The following FRMD7 variants were observed in gnomAD, a reference collection of about 807,000 sequenced individuals.
The protein encoded by FRMD7 is FERM domain containing 7, also known as FERM domain-containing protein 7.
FRMD7 carries 14 observed loss-of-function variants against 44.1 expected under a neutral mutation model. The ratio of observed to expected loss-of-function variants is 0.32; its 90% CI spans 0.21 to 0.50. The LOEUF (loss-of-function observed/expected upper bound fraction) is 0.50. Among genes scored for constraint, FRMD7 ranks in the 20% least tolerant of loss-of-function variants. The probability of loss-of-function intolerance (pLI) is 0.99; values close to 1 mark genes in which losing one functional copy is unlikely to be tolerated. For synonymous variants in FRMD7, 212 were observed against 187.4 expected, an observed-to-expected ratio of 1.13 and a Z score of -1.07; for missense variants, 501 against 522.3, an observed-to-expected ratio of 0.96 and a Z score of 0.40.
intron 1 of FRMD7, among the ~76,000 whole-genome samples, chrX:132,115,002 T>C (rs1928867556): frequency 8.9e-6 from 1 of 112,740 alleles, no homozygotes; most frequent in South Asian, 3.6e-4. Flanking sequence ...TGCTCTCTCC[T>C]TGACCGATCA....
intron 5 of FRMD7, among the ~76,000 whole-genome samples, chrX:132,087,294 T>C (rs1047292932): frequency 9.0e-6 from 1 of 111,491 alleles, no homozygotes; most frequent in Non-Finnish European, 1.9e-5. Flanking sequence ...GCATTCTATA[T>C]ACTGTAAGAG....
chrX:132,123,326 T>C (rs988914489), intron 1 of FRMD7, among the ~76,000 whole-genome samples: 1 of 111,664 alleles, frequency 9.0e-6, no homozygotes, highest in Non-Finnish European at 1.9e-5. Context: ...TTTGTATTAC[T>C]CCTCGCAACA....
In FRMD7 at chrX:132,116,988, T is replaced by C. The variant is rs757248344; in HGVS notation, c.57+10800A>G. ...TTCAAATCCTGTTTGCACCACTCAC[T>C]GTTCTGTGACTTTGGGAAAGTTACT... On this transcript the variant is annotated intron_variant, in intron 1 of 11. Coordinates refer to ENST00000298542, the MANE Select transcript of FRMD7 (RefSeq NM_194277.3). Among the ~76,000 whole-genome samples the C allele has an allele frequency of 7.1e-5, 8 of 112,220 alleles. No homozygotes were observed. In the South Asian group the frequency reaches 3.0e-3, roughly 42 times the overall value.
chrX:132,077,784 A>G lies in FRMD7; in HGVS notation c.*88T>C. ...CCTTAATACCAATGAATATGTAGTA[A>G]CCAAGAAAATGGTTTCTACAACTTC... On this transcript the variant is annotated 3_prime_UTR_variant, in exon 12 of 12. Coordinates refer to ENST00000298542, the MANE Select transcript of FRMD7 (RefSeq NM_194277.3). 8.5e-7 allele frequency: 1 copy of G among 1,180,963 alleles called. No individual in the cohort carries two copies. The highest frequency in any genetic ancestry group is 1.1e-6 in the Non-Finnish European group (1 of 874,684).
intron 1 of FRMD7, among the ~76,000 whole-genome samples, chrX:132,108,937 G>A (rs762284707): frequency 8.9e-6 from 1 of 111,749 alleles, no homozygotes; most frequent in Admixed American, 9.5e-5. Context: ...GCGGAACTGT[G>A]AATCATTAAA....
chrX:132,122,194 GA>G (rs1436345291), intron 1 of FRMD7, among the ~76,000 whole-genome samples: 1 of 111,956 alleles, frequency 8.9e-6, no homozygotes, highest in Non-Finnish European at 1.9e-5. Flanking sequence ...TTTGTGTCAG[GA>G]ACCTTATCCC....
intron 1 of FRMD7, among the ~76,000 whole-genome samples, chrX:132,118,940 G>C (rs1313157292): frequency 1.8e-5 from 2 of 110,781 alleles, no homozygotes; most frequent in Non-Finnish European, 3.8e-5. Flanking sequence ...ACCTTCCTTA[G>C]AAAAACCTTG....
rs760349912 is a variant in FRMD7 at position 132,089,561 on chromosome X, G to A, written c.383-3527C>T. Among the ~76,000 whole-genome samples, 9 of 111,670 alleles carry A rather than the reference G, an allele frequency of 8.1e-5. No homozygotes were observed. The East Asian group carries it at 2.5e-3, about 31-fold the overall frequency. ...ATATCCTTACAAAATGAAAAGACAA[G>A]CCACAGATTAGAAGAGAAAATTGCA... On this transcript the variant is annotated intron_variant, in intron 5 of 11. Transcript: ENST00000298542.
intron 1 of FRMD7, among the ~76,000 whole-genome samples, chrX:132,112,726 C>A (rs1022622128): frequency 1.8e-5 from 2 of 111,105 alleles, no homozygotes; most frequent in Non-Finnish European, 3.8e-5. Flanking sequence ...CTGACCACCA[C>A]CCCCTATATC....
chrX:132,079,007 A>G (rs1031406035), intron 11 of FRMD7, 41 bp from the exon 12 acceptor site: 1 of 1,126,189 alleles, frequency 8.9e-7, no homozygotes, highest in Non-Finnish European at 1.2e-6. Context: ...GGAAAAGGCC[A>G]TTTGGTTAGG....
chrX:132,113,327 T>C lies in FRMD7; in HGVS notation c.58-12611A>G, dbSNP rs762328438. ...TCTGTATATACCTAGCAATATGAGA[T>C]ACCCAGGACAAAACAGACCATTAGA... On this transcript the variant is annotated intron_variant, in intron 1 of 11. Coordinates refer to ENST00000298542, the MANE Select transcript of FRMD7 (RefSeq NM_194277.3). Among the ~76,000 whole-genome samples the C allele has an allele frequency of 3.6e-5, 4 of 111,816 alleles. No homozygotes were observed. The East Asian group carries it at 1.1e-3, about 32-fold the overall frequency.
At chrX:132,097,992 G>A (rs1928391690) in intron 3 of FRMD7, among the ~76,000 whole-genome samples, 2 of 112,085 alleles carry the variant, frequency 1.8e-5, no homozygotes, top group South Asian at 7.4e-4. Context: ...TCTAGTAGAA[G>A]AGACAGACAT....
rs1350194587 is a variant in FRMD7, at chrX:132,103,497, T to TATCTATCTATCC, written c.58-2782_58-2781insGGATAGATAGAT. Among the ~76,000 whole-genome samples the TATCTATCTATCC allele has an allele frequency of 5.0e-3, 536 of 107,979 alleles. 4 individuals are homozygous for TATCTATCTATCC. Among genetic ancestry groups the TATCTATCTATCC allele is most frequent in the African/African-American group, 0.018 (520 of 29,489 alleles). The allele number at this position is 107,979 out of a possible 115,157, so 93.8% of individuals were successfully genotyped here. A position where few individuals can be genotyped will look rare whatever the true frequency, so the allele number is the denominator to read the frequency against. ...ATCTGCCTTTAAATGTCTATCTATCTATCTATCTATCTATCTATCTATCTA... is the reference window on the plus strand; with the variant it reads ...ATCTGCCTTTAAATGTCTATCTATCTATCTATCTATCCATCTATCTATCTATCTATCTATCTA... On this transcript the variant is annotated intron_variant, in intron 1 of 11. Transcript: ENST00000298542.
intron 1 of FRMD7, among the ~76,000 whole-genome samples, chrX:132,126,693 C>T (rs1272496097): frequency 8.9e-6 from 1 of 112,142 alleles, no homozygotes; most frequent in African/African-American, 3.2e-5. Flanking sequence ...AAGATATTTT[C>T]CACCCCTTAA....
At chrX:132,103,486 GTCTATCTATCTA>G (rs34605425) in intron 1 of FRMD7, among the ~76,000 whole-genome samples, 329 of 98,369 alleles carry the variant, frequency 3.3e-3, no homozygotes, top group South Asian at 0.01. Context: ...GCCTTTAAAT[GTCTATCTATCTA>G]TCTATCTATC....
Position 132,086,776 on chromosome X carries a change from C to T in FRMD7, c.383-742G>A, listed in dbSNP as rs200639687. Among the ~76,000 whole-genome samples, 7 of 111,758 alleles carry T rather than the reference C, an allele frequency of 6.3e-5. No homozygotes were observed. In the East Asian group the frequency reaches 2.0e-3, roughly 31 times the overall value. On this transcript the variant is annotated intron_variant, in intron 5 of 11. Transcript: ENST00000298542. ...GTCTCTGGTATTTTGTTATGGCAGC[C>T]CTAGCAAACTAGTACAGCCATCCAA...
chrX:132,080,135 A>G (rs1602792091), intron 10 of FRMD7, 54 bp from the exon 11 acceptor site: 1 of 1,111,063 alleles, frequency 9.0e-7, no homozygotes, highest in Non-Finnish European at 1.2e-6. Flanking sequence ...GAATACCAGG[A>G]TACATAGAAA....
intron 8 of FRMD7, among the ~76,000 whole-genome samples, chrX:132,084,216 A>T (rs1484014619): frequency 2.7e-5 from 3 of 111,926 alleles, no homozygotes; most frequent in Non-Finnish European, 5.6e-5. Context: ...TCAAATCCCT[A>T]AAAAGCAGTT....
intron 5 of FRMD7, among the ~76,000 whole-genome samples, chrX:132,091,223 C>T (rs974782215): frequency 9.0e-6 from 1 of 111,461 alleles, no homozygotes; most frequent in African/African-American, 3.3e-5. Flanking sequence ...AAGCGATCCT[C>T]CCACCTCAGT....
Sources: gnomAD v4.1 joint callset for allele counts (sites outside exome capture counted in the v4.1 genomes callset) on GRCh38, gnomAD v4.1.1 for gene constraint, MANE v1.5 for transcripts, NCBI Gene and HGNC (gene_info 2026-07-23, HGNC 2026-07-21) for gene names.